The following LRRC4C variants were observed in gnomAD, a reference collection of about 807,000 sequenced individuals.
LRRC4C encodes leucine-rich repeat-containing protein 4C.
A neutral mutation model predicts 33.6 loss-of-function variants in LRRC4C; 5 were observed. The observed-to-expected ratio is 0.15, with a 90% CI of 0.08 to 0.31. The LOEUF is 0.31. LRRC4C is among the 10% of genes least tolerant of loss of function. The pLI, the probability that LRRC4C is intolerant of heterozygous loss-of-function variation, is 1.00. For missense variants in LRRC4C, 560 were observed against 796.7 expected (o/e 0.70, Z 3.58); for synonymous variants, 329 against 302.0 (o/e 1.09, Z -0.93).
chr11:40,163,632 A>C (rs141428735), intron 5 of LRRC4C, among the ~76,000 whole-genome samples: 51 of 152,294 alleles, frequency 3.3e-4, no homozygotes, highest in African/African-American at 1.2e-3. Context: ...TTCTAGAGTC[A>C]GTCTATCCTA....
chr11:40,984,506 C>G (rs1488813525), intron 1 of LRRC4C, among the ~76,000 whole-genome samples: 1 of 152,124 alleles, frequency 6.6e-6, no homozygotes, highest in Admixed American at 6.5e-5. Context: ...CTTTACTTCT[C>G]TAACTAGCAA....
chr11:40,654,363 C>A (rs777496505), intron 2 of LRRC4C, among the ~76,000 whole-genome samples: 3 of 152,194 alleles, frequency 2.0e-5, no homozygotes, highest in African/African-American at 2.4e-5. Context: ...GCCACAGGTG[C>A]AGAGCTGCCC....
intron 3 of LRRC4C, among the ~76,000 whole-genome samples, chr11:40,498,726 G>A (rs543156227): frequency 6.6e-6 from 1 of 151,070 alleles, no homozygotes; most frequent in East Asian, 1.9e-4. Context: ...AATAAACAAT[G>A]ATTATGTCTT....
At chr11:40,549,611 C>G (rs995849994) in intron 3 of LRRC4C, among the ~76,000 whole-genome samples, 1 of 152,090 alleles carries the variant, frequency 6.6e-6, no homozygotes, top group Non-Finnish European at 1.5e-5. Flanking sequence ...AATAAGAAAG[C>G]TGTATGCTCA....
At chr11:40,997,700 A>C (rs956707057) in intron 1 of LRRC4C, among the ~76,000 whole-genome samples, 28 of 152,122 alleles carry the variant, frequency 1.8e-4, no homozygotes, top group African/African-American at 6.8e-4. Flanking sequence ...CAAAAAAATA[A>C]GCAAGGAATG....
chr11:41,238,930 T>A (rs1183965086), intron 1 of LRRC4C, among the ~76,000 whole-genome samples: 2 of 152,028 alleles, frequency 1.3e-5, no homozygotes, highest in African/African-American at 2.4e-5. Context: ...ATGCAGTATG[T>A]CCCTTTCCCA....
intron 2 of LRRC4C, among the ~76,000 whole-genome samples, chr11:40,808,339 T>A (rs113342850): frequency 9.9e-5 from 15 of 152,240 alleles, no homozygotes; most frequent in African/African-American, 3.6e-4. Context: ...ATACATGTTC[T>A]CCACCCCTAC....
At chr11:40,870,967 A>G (rs1474645070) in intron 2 of LRRC4C, among the ~76,000 whole-genome samples, 2 of 152,166 alleles carry the variant, frequency 1.3e-5, no homozygotes, top group Admixed American at 6.5e-5. Context: ...GAGAAAGAGA[A>G]TGCTTCCCTG....
intron 1 of LRRC4C, among the ~76,000 whole-genome samples, chr11:41,256,412 A>G (rs1338095628): frequency 6.6e-6 from 1 of 152,010 alleles, no homozygotes; most frequent in Admixed American, 6.6e-5. Flanking sequence ...TGGTAGATAA[A>G]ATGATAATTG....
chr11:40,568,224 C>T (rs1957841703), intron 3 of LRRC4C, among the ~76,000 whole-genome samples: 1 of 152,182 alleles, frequency 6.6e-6, no homozygotes, highest in Non-Finnish European at 1.5e-5. Flanking sequence ...AAGTGCCATG[C>T]TGTGAGAACC....
intron 2 of LRRC4C, among the ~76,000 whole-genome samples, chr11:40,893,392 AAC>A: frequency 6.6e-6 from 1 of 152,212 alleles, no homozygotes; most frequent in South Asian, 2.1e-4. Context: ...GAAAGTTCAT[AAC>A]ACAAAGAAAT....
At chr11:40,423,757 T>C (rs1950614777) in intron 3 of LRRC4C, among the ~76,000 whole-genome samples, 1 of 152,212 alleles carries the variant, frequency 6.6e-6, no homozygotes, top group East Asian at 1.9e-4. Context: ...ATGTTGGAAC[T>C]ACACTCATTT....
At chr11:40,624,214 C>T (rs550392520) in intron 3 of LRRC4C, among the ~76,000 whole-genome samples, 76 of 152,200 alleles carry the variant, frequency 5.0e-4, no homozygotes, top group South Asian at 1.0e-3. Flanking sequence ...TCCTATCCTG[C>T]AATCACTATA....
chr11:40,960,448 T>C (rs1422334195), intron 1 of LRRC4C, among the ~76,000 whole-genome samples: 2 of 151,746 alleles, frequency 1.3e-5, no homozygotes, highest in African/African-American at 4.8e-5. Context: ...CTAAATTGAG[T>C]TTCTATGATT....
intron 3 of LRRC4C, among the ~76,000 whole-genome samples, chr11:40,518,801 A>ATACGTT (rs1565467207): frequency 6.6e-6 from 1 of 150,978 alleles, no homozygotes; most frequent in Non-Finnish European, 1.5e-5. Flanking sequence ...ACATGCACAC[A>ATACGTT]TATTGCGGCA....
rs531484599 is a variant in LRRC4C, at chr11:40,566,083, TAA to T, written c.-270+82057_-270+82058del. Among the ~76,000 whole-genome samples, 399 of 128,394 alleles carry T rather than the reference TAA, an allele frequency of 3.1e-3. 2 individuals are homozygous for T. The highest frequency in any genetic ancestry group is 5.3e-3 in the Non-Finnish European group (321 of 60,846). 84.2% of individuals were successfully genotyped at this position (128,394 alleles called of 152,430 possible). ...AATTAACTGCCTTTTCTATTTTTAC[TAA>T]GTTTTTTTTTTTTTTTTTTTTTTTA... On this transcript the variant is annotated intron_variant, in intron 3 of 6. Transcript: ENST00000528697.
chr11:40,893,318 A>ACAACAG (rs1237722787), intron 2 of LRRC4C, among the ~76,000 whole-genome samples: 2 of 152,242 alleles, frequency 1.3e-5, no homozygotes, highest in South Asian at 4.1e-4. Context: ...ATTTCATAGC[A>ACAACAG]CAACAGGGTG....
chr11:40,336,005 A>G lies in LRRC4C; in HGVS notation c.-269-16284T>C, dbSNP rs1010487163. Among the ~76,000 whole-genome samples, 3 of 152,234 alleles carry G rather than the reference A, an allele frequency of 2.0e-5. No homozygotes were observed. The South Asian group carries it at 6.2e-4, about 32-fold the overall frequency. ...GAAGAGTGCTCCATGTTAAGCACAC[A>G]GACCAGTGCCTGACACATACTAAGC... is the stretch of plus-strand genomic sequence containing the variant. On this transcript the variant is annotated intron_variant, in intron 3 of 6. Transcript: ENST00000528697.
intron 3 of LRRC4C, among the ~76,000 whole-genome samples, chr11:40,532,740 A>G (rs894630049): frequency 2.0e-5 from 3 of 152,074 alleles, no homozygotes; most frequent in Admixed American, 6.6e-5. Context: ...TAAGCATGGG[A>G]CCATTCAATC....
Sources: gnomAD v4.1 joint callset for allele counts (sites outside exome capture counted in the v4.1 genomes callset) on GRCh38, gnomAD v4.1.1 for gene constraint, MANE v1.5 for transcripts, NCBI Gene and HGNC (gene_info 2026-07-23, HGNC 2026-07-21) for gene names.